Variants in SCART1 observed in about 807,000 individuals in gnomAD.
The protein encoded by SCART1 is scavenger receptor family member expressed on T cells 1.
In SCART1, 62 loss-of-function variants were observed where a neutral mutation model predicts 36.2. The ratio of observed to expected loss-of-function variants is 1.71; its 90% CI spans 1.40 to 2.12. The LOEUF is 2.12. Ranked by LOEUF, SCART1 falls within the 30% of genes most tolerant of loss-of-function variation. SCART1 has a pLI of 0.00. For synonymous variants in SCART1, 487 were observed against 238.7 expected, an observed-to-expected ratio of 2.04 and a Z score of -9.59; for missense variants, 1,041 against 540.5, an observed-to-expected ratio of 1.93 and a Z score of -9.18.
intron 1 of SCART1, 151 bp from the exon 2 acceptor site, chr10:133,456,086 G>A (rs907270011): frequency 5.2e-5 from 31 of 600,650 alleles, no homozygotes; most frequent in African/African-American, 3.7e-4. Context: ...TGTGAGCCGC[G>A]CCCATCACCT....
At chr10:133,458,216 G>A in intron 3 of SCART1, 144 bp from the exon 4 acceptor site, 1 of 700,696 alleles carries the variant, frequency 1.4e-6, no homozygotes, top group Non-Finnish European at 2.6e-6. Flanking sequence ...GCCTGTGGCT[G>A]CAAGTTCCTG....
At chr10:133,460,548 T>TTTATTTA (rs1564834675) in intron 6 of SCART1, among the ~76,000 whole-genome samples, 1 of 148,946 alleles carries the variant, frequency 6.7e-6, no homozygotes, top group Non-Finnish European at 1.5e-5. Flanking sequence ...TATTTATTTA[T>TTTATTTA]TTATTTTGAG....
rs1589936741 is a variant in SCART1, at chr10:133,464,737, C to T, written c.2101C>T (p.Gln701Ter). The change falls in exon 7 of 12, where the codon CAG becomes TAG. Residue 701 changes from glutamine to a stop codon, truncating the protein, a stop_gained. Transcript: ENST00000640237. LOFTEE classifies it high-confidence loss of function. ...CCTCTCCTTGTCCATCATCTGCAAG[C>T]AGCTGGGGTGTGGGGTGTGGGGAGT... 1.4e-6 allele frequency: 1 copy of T among 693,950 alleles called. No homozygotes were observed. The allele number at this position is 693,950 out of a possible 1,614,324, so 43.0% of individuals were successfully genotyped here. A position where few individuals can be genotyped will look rare whatever the true frequency, so the allele number is the denominator to read the frequency against.
At chr10:133,457,392 G>C in exon 3 of SCART1, 1 of 702,100 alleles carries the variant, frequency 1.4e-6, no homozygotes, top group Admixed American at 2.0e-5. Flanking sequence ...TGTGGAGGAG[G>C]CCATGGTGTT....
In SCART1 at chr10:133,460,496, A is replaced by ATATATATATATATTTTTTTT; in HGVS notation, c.1969+327_1969+328insATATATATATATTTTTTTTT. 5.1e-5 allele frequency among the ~76,000 whole-genome samples: 7 copies of ATATATATATATATTTTTTTT among 136,002 alleles called. No homozygotes were observed. In the South Asian group the frequency reaches 1.1e-3, roughly 21 times the overall value. The allele number at this position is 136,002 out of a possible 152,430, so 89.2% of individuals were successfully genotyped here. ...CATATATATATATATATATTTATAT[A>ATATATATATATATTTTTTTT]TTTTAAAAAATATTTTATATTTATT... On this transcript the variant is annotated intron_variant, in intron 6 of 11. Coordinates refer to ENST00000640237, the Ensembl canonical transcript of SCART1.
chr10:133,458,330 T>C, intron 3 of SCART1, 30 bp from the exon 4 acceptor site: 1 of 702,472 alleles, frequency 1.4e-6, no homozygotes, highest in South Asian at 1.5e-5. Flanking sequence ...AGAACACCTG[T>C]CTCCTGCCTG....
chr10:133,459,858 C>T, exon 6 of SCART1: 1 of 563,156 alleles, frequency 1.8e-6, no homozygotes, highest in Non-Finnish European at 3.1e-6. Context: ...CCCGGGCGCC[C>T]TGACTCTGTC....
At chr10:133,457,807 A>G in intron 3 of SCART1, 1 of 558,738 alleles carries the variant, frequency 1.8e-6, no homozygotes, top group Non-Finnish European at 3.1e-6. Flanking sequence ...CCCGCAGGCC[A>G]TCTAGGGGTC....
rs547295091 is a variant in SCART1 at position 133,463,215 on chromosome 10, C to T, written c.1970-1391C>T. Among the ~76,000 whole-genome samples the T allele has an allele frequency of 2.6e-5, 4 of 152,194 alleles. No individual in the cohort carries two copies. In the East Asian group the frequency reaches 7.7e-4, roughly 29 times the overall value. On this transcript the variant is annotated intron_variant, in intron 6 of 11. Transcript: ENST00000640237. Reference sequence around the variant, plus strand: ...TCTCTGAACATGGGGCTGAGGTACACACACACACACAGACACACACACACA... The same window carrying T: ...TCTCTGAACATGGGGCTGAGGTACATACACACACACAGACACACACACACA...
At chr10:133,468,218 A>G (rs1850784709) in exon 12 of SCART1, 1 of 344,202 alleles carries the variant, frequency 2.9e-6, no homozygotes, top group African/African-American at 2.1e-5. Flanking sequence ...AAATGCAAAT[A>G]CACATAGAAA....
At chr10:133,465,221 C>T (rs940029796) in intron 8 of SCART1, 30 bp from the exon 9 acceptor site, 24 of 701,368 alleles carry the variant, frequency 3.4e-5, no homozygotes, top group African/African-American at 3.1e-4. Flanking sequence ...CCCGGTCCAG[C>T]CCCCGCAGTG....
At chr10:133,465,313 C>A in exon 9 of SCART1, 1 of 681,452 alleles carries the variant, frequency 1.5e-6, no homozygotes, top group Non-Finnish European at 2.7e-6. Flanking sequence ...GGAGCTCTGG[C>A]ACGCGGGCTC....
At chr10:133,458,504 C>T (rs1850649588) in exon 4 of SCART1, 1 of 681,352 alleles carries the variant, frequency 1.5e-6, no homozygotes. Context: ...GCGGTCGTGT[C>T]CACGCCCGAG....
In SCART1 at chr10:133,467,177, A is replaced by T. The variant is rs567434679; in HGVS notation, c.2807-21A>T. 7 of 681,068 alleles carry T rather than the reference A, an allele frequency of 1.0e-5. No individual in the cohort carries two copies. The African/African-American group carries it at 1.2e-4, about 12-fold the overall frequency. 42.2% of individuals were successfully genotyped at this position (681,068 alleles called of 1,614,324 possible). ...CATCCACACTGAGGGCCTGTGTGTG[A>T]CCATGCTCACCTTGCCTCAGGTCTG... On this transcript the variant is annotated intron_variant, in intron 10 of 11. Coordinates refer to ENST00000640237, the Ensembl canonical transcript of SCART1.
chr10:133,454,161 C>T lies in SCART1; in HGVS notation c.67+97C>T, dbSNP rs569919690. 39 of 694,464 alleles carry T rather than the reference C, an allele frequency of 5.6e-5. 1 individual carries two copies. The highest frequency in any genetic ancestry group is 4.2e-4 in the South Asian group (28 of 66,484). 43.0% of individuals were successfully genotyped at this position (694,464 alleles called of 1,614,324 possible). A position where few individuals can be genotyped will look rare whatever the true frequency, so the allele number is the denominator to read the frequency against. On this transcript the variant is annotated intron_variant, in intron 1 of 11. Transcript: ENST00000640237. ...CATGAGGGTCCCTGCAGTGACCTGC[C>T]GTCTGCCTGGGTCTCACTCAGCCCA... is the stretch of plus-strand genomic sequence containing the variant.
chr10:133,460,496 A>ATATATATATATATATATATATTTTTTTTT, intron 6 of SCART1, among the ~76,000 whole-genome samples: 9 of 136,002 alleles, frequency 6.6e-5, no homozygotes, highest in Non-Finnish European at 8.1e-5. Flanking sequence ...ATATTTATAT[A>ATATATATATATATATATATATTTTTTTTT]TTTTAAAAAA....
chr10:133,454,209 C>T (rs1850581631), intron 1 of SCART1, 145 bp downstream of exon 1: 3 of 649,488 alleles, frequency 4.6e-6, no homozygotes, highest in South Asian at 3.4e-5. Context: ...CATGCTGGGG[C>T]AGGAGGGAGG....
intron 2 of SCART1, chr10:133,456,986 C>T: frequency 3.8e-6 from 2 of 530,316 alleles, no homozygotes; most frequent in South Asian, 5.2e-5. Flanking sequence ...GTGAGGACCC[C>T]CTCATAGCGT....
chr10:133,462,303 A>G (rs1384968941), intron 6 of SCART1, among the ~76,000 whole-genome samples: 1 of 152,228 alleles, frequency 6.6e-6, no homozygotes, highest in Non-Finnish European at 1.5e-5. Flanking sequence ...ACCAGATGGG[A>G]CTGTTCATAT....
Sources: allele counts gnomAD v4.1 joint callset (sites outside exome capture counted in the v4.1 genomes callset), GRCh38; gene constraint gnomAD v4.1.1; transcripts MANE v1.5; gene names NCBI Gene and HGNC (gene_info 2026-07-23, HGNC 2026-07-21).